The following DGKB variants were observed in gnomAD, a reference collection of about 807,000 sequenced individuals.
The protein encoded by DGKB is 90 kDa diacylglycerol kinase.
A neutral mutation model predicts 114.3 loss-of-function variants in DGKB; 67 were observed. That is an observed-to-expected ratio of 0.59 (90% CI 0.48 to 0.72). The LOEUF is 0.72. Among genes scored for constraint, DGKB ranks in the 30% least tolerant of loss-of-function variants. The probability of loss-of-function intolerance (pLI) is 0.00; values close to 1 mark genes in which losing one functional copy is unlikely to be tolerated. For synonymous variants in DGKB, 398 were observed against 323.1 expected (o/e 1.23, Z -2.49); for missense variants, 907 against 975.2 (o/e 0.93, Z 0.93).
chr7:14,244,657 G>C (rs1188733355), intron 23 of DGKB, among the ~76,000 whole-genome samples: 1 of 128,782 alleles, frequency 7.8e-6, no homozygotes, highest in Non-Finnish European at 1.6e-5. Context: ...GTGACAGAGT[G>C]AGACTCTGTC....
chr7:14,772,777 G>A (rs1190143248), intron 2 of DGKB, among the ~76,000 whole-genome samples: 1 of 152,058 alleles, frequency 6.6e-6, no homozygotes, highest in African/African-American at 2.4e-5. Context: ...CATTTCCAGA[G>A]TCAAAACCAC....
chr7:14,332,621 T>G (rs1809932843), intron 23 of DGKB, among the ~76,000 whole-genome samples: 1 of 152,214 alleles, frequency 6.6e-6, no homozygotes, highest in South Asian at 2.1e-4. Context: ...TGATTAACAT[T>G]ATAAATGATA....
chr7:14,294,724 A>G (rs1349542733), intron 23 of DGKB, among the ~76,000 whole-genome samples: 2 of 152,164 alleles, frequency 1.3e-5, no homozygotes, highest in African/African-American at 4.8e-5. Flanking sequence ...GTTGCAACCT[A>G]TTATCTGACC....
At chr7:14,203,076 G>A (rs1422180079) in intron 23 of DGKB, among the ~76,000 whole-genome samples, 3 of 147,074 alleles carry the variant, frequency 2.0e-5, no homozygotes, top group Non-Finnish European at 3.0e-5. Flanking sequence ...TTTAAAAAAA[G>A]GTGCAAATGT....
intron 15 of DGKB, among the ~76,000 whole-genome samples, chr7:14,614,364 T>C (rs1394646803): frequency 6.6e-6 from 1 of 152,136 alleles, no homozygotes; most frequent in Non-Finnish European, 1.5e-5. Flanking sequence ...TGTAACCCTA[T>C]GTAACTCCCA....
At chr7:14,406,870 A>G (rs1331752564) in intron 21 of DGKB, among the ~76,000 whole-genome samples, 2 of 152,110 alleles carry the variant, frequency 1.3e-5, no homozygotes, top group Non-Finnish European at 2.9e-5. Context: ...GAATAAATTG[A>G]GGGCTTGATC....
At chr7:14,776,597 C>T (rs1483260271) in intron 2 of DGKB, among the ~76,000 whole-genome samples, 1 of 152,186 alleles carries the variant, frequency 6.6e-6, no homozygotes, top group East Asian at 1.9e-4. Flanking sequence ...TTGTTAGCTT[C>T]CATGTGGTGT....
At chr7:14,302,658 T>C (rs1474765308) in intron 23 of DGKB, among the ~76,000 whole-genome samples, 1 of 152,072 alleles carries the variant, frequency 6.6e-6, no homozygotes, top group Non-Finnish European at 1.5e-5. Context: ...TCCATAATTG[T>C]TTCCCAATCC....
intron 13 of DGKB, among the ~76,000 whole-genome samples, chr7:14,645,412 C>A (rs189630857): frequency 6.6e-6 from 1 of 151,986 alleles, no homozygotes; most frequent in Non-Finnish European, 1.5e-5. Context: ...CTCTGCCGCT[C>A]GCCGAACAAC....
chr7:14,352,035 A>G (rs1394945727), intron 21 of DGKB, among the ~76,000 whole-genome samples: 1 of 152,190 alleles, frequency 6.6e-6, no homozygotes. Context: ...GACAACAGGT[A>G]GAGATATAAA....
intron 23 of DGKB, among the ~76,000 whole-genome samples, chr7:14,289,912 A>T (rs1274416883): frequency 6.6e-6 from 1 of 152,200 alleles, no homozygotes; most frequent in Non-Finnish European, 1.5e-5. Flanking sequence ...ACAGTAGCAT[A>T]TTTCTGCCTT....
chr7:14,248,248 C>G (rs535293987), intron 23 of DGKB, among the ~76,000 whole-genome samples: 1 of 151,928 alleles, frequency 6.6e-6, no homozygotes, highest in Admixed American at 6.6e-5. Context: ...GATTACTATA[C>G]CTTTGTAGTA....
chr7:14,587,221 A>C (rs1455586739), intron 17 of DGKB, among the ~76,000 whole-genome samples: 1 of 152,086 alleles, frequency 6.6e-6, no homozygotes, highest in Non-Finnish European at 1.5e-5. Flanking sequence ...AGTCTCATGG[A>C]TGACTTTAAA....
chr7:14,640,468 G>C (rs1324407911), intron 13 of DGKB, among the ~76,000 whole-genome samples: 2 of 152,152 alleles, frequency 1.3e-5, no homozygotes, highest in Non-Finnish European at 2.9e-5. Context: ...TCCAGGGTTT[G>C]GGTTTCCTTG....
intron 1 of DGKB, among the ~76,000 whole-genome samples, chr7:14,860,966 T>A (rs1385076765): frequency 6.6e-6 from 1 of 152,008 alleles, no homozygotes; most frequent in Non-Finnish European, 1.5e-5. Flanking sequence ...AAACACTGCA[T>A]GCCACACTAT....
chr7:14,503,398 T>G (rs1786509946), intron 20 of DGKB, among the ~76,000 whole-genome samples: 1 of 152,192 alleles, frequency 6.6e-6, no homozygotes, highest in African/African-American at 2.4e-5. Context: ...GCTTTCTCTC[T>G]TCTATAACAC....
chr7:14,266,706 A>G (rs1414275697), intron 23 of DGKB, among the ~76,000 whole-genome samples: 4 of 152,172 alleles, frequency 2.6e-5, no homozygotes, highest in Admixed American at 1.3e-4. Context: ...CACTCTATCA[A>G]TTTATGTCTC....
chr7:14,779,653 A>G (rs972175324), intron 2 of DGKB, among the ~76,000 whole-genome samples: 1 of 152,240 alleles, frequency 6.6e-6, no homozygotes. Context: ...TGAATATTTT[A>G]TCCACTTCTG....
intron 20 of DGKB, among the ~76,000 whole-genome samples, chr7:14,495,925 A>G (rs55897934): frequency 6.6e-6 from 1 of 151,816 alleles, no homozygotes; most frequent in South Asian, 2.1e-4. Context: ...TGACCACACA[A>G]AAAAAAGAGA....
Sources: allele counts gnomAD v4.1 joint callset (sites outside exome capture counted in the v4.1 genomes callset), GRCh38; gene constraint gnomAD v4.1.1; transcripts MANE v1.5; gene names NCBI Gene and HGNC (gene_info 2026-07-23, HGNC 2026-07-21).